The following RERE variants were observed in gnomAD, a reference collection of about 807,000 sequenced individuals.
The protein encoded by RERE is arginine-glutamic acid dipeptide repeats, also known as arginine-glutamic acid dipeptide repeats protein.
Under a neutral mutation model 146.1 loss-of-function variants are expected in RERE, and 40 were observed. That is an observed-to-expected ratio of 0.27 (90% CI 0.21 to 0.36). The LOEUF is 0.36. RERE is among the 10% of genes least tolerant of loss of function. RERE has a pLI of 1.00. For synonymous variants in RERE, 1,003 were observed against 866.0 expected, an observed-to-expected ratio of 1.16 and a Z score of -2.78; for missense variants, 1,933 against 2,138.7, an observed-to-expected ratio of 0.90 and a Z score of 1.90.
intron 1 of RERE, among the ~76,000 whole-genome samples, chr1:8,679,094 G>C (rs548850692): frequency 3.3e-5 from 5 of 152,340 alleles, no homozygotes; most frequent in African/African-American, 1.2e-4. Flanking sequence ...CATTGCCACT[G>C]AAAGTTCTAT....
At position 8,506,228 on chromosome 1, in the gene RERE, T is replaced by C. The variant is rs116575221; in HGVS notation, c.879+2399A>G. ...GAGTATCAGGTTCCCAGACCGAAAA[T>C]ACAGCCCCGAGGTGGCAGTCAGGCC... is the stretch of plus-strand genomic sequence containing the variant. On this transcript the variant is annotated intron_variant, in intron 8 of 22. Coordinates refer to ENST00000400908, the MANE Select transcript of RERE (RefSeq NM_001042681.2). Among the ~76,000 whole-genome samples, 920 of 152,218 alleles carry C rather than the reference T, an allele frequency of 6.0e-3. 7 individuals carry two copies. Among genetic ancestry groups the C allele is most frequent in the African/African-American group, 0.022 (893 of 41,510 alleles).
Position 8,729,255 on chromosome 1 carries a change from G to A in RERE, c.-144-72814C>T, listed in dbSNP as rs192685080. Reference sequence around the variant, plus strand: ...TTTTTTTTTATTGAGATGGAGTCTCGCTCTGTTGCCCAGGCTGGAGTGCAG... The same window carrying A: ...TTTTTTTTTATTGAGATGGAGTCTCACTCTGTTGCCCAGGCTGGAGTGCAG... On this transcript the variant is annotated intron_variant, in intron 1 of 22. Transcript: ENST00000400908. 7.8e-3 allele frequency among the ~76,000 whole-genome samples: 1,001 copies of A among 127,528 alleles called. 15 individuals are homozygous for A. Among genetic ancestry groups the A allele is most frequent in the African/African-American group, 0.028 (962 of 34,414 alleles). 83.7% of individuals were successfully genotyped at this position (127,528 alleles called of 152,430 possible). A position where few individuals can be genotyped will look rare whatever the true frequency, so the allele number is the denominator to read the frequency against.
At position 8,360,413 on chromosome 1, in the gene RERE, G is replaced by C; in HGVS notation, c.3094C>G (p.Pro1032Ala). The C allele has an allele frequency of 7.3e-7, 1 of 1,362,970 alleles. No homozygotes were observed. Among genetic ancestry groups the C allele is most frequent in the Non-Finnish European group, 9.5e-7 (1 of 1,056,158 alleles). The allele number at this position is 1,362,970 out of a possible 1,614,324, so 84.4% of individuals were successfully genotyped here. A position where few individuals can be genotyped will look rare whatever the true frequency, so the allele number is the denominator to read the frequency against. The change falls in exon 18 of 23, where the codon CCC becomes GCC. Residue 1032 changes from proline to alanine, a missense_variant. Physicochemically the swap from Pro to Ala is conservative, Grantham distance 27 (BLOSUM62 -1). Transcript: ENST00000400908. ...PTGLHQVAPQ[P>A]PFAQHPFVPG... ...ACAAAGGGGTGCTGAGCAAACGGGG[G>C]TTGGGGGGCCACCTGGTGGAGGCCT...
chr1:8,467,175 G>A (rs1644610907), intron 10 of RERE, among the ~76,000 whole-genome samples: 1 of 152,186 alleles, frequency 6.6e-6, no homozygotes, highest in African/African-American at 2.4e-5. Flanking sequence ...TGGAGTGGAC[G>A]TTCTGATCTT....
chr1:8,690,215 T>G (rs1390688700), intron 1 of RERE, among the ~76,000 whole-genome samples: 1 of 152,156 alleles, frequency 6.6e-6, no homozygotes, highest in African/African-American at 2.4e-5. Context: ...TCTTCCTAGC[T>G]TGCAAATGGC....
chr1:8,440,220 G>C (rs1287153188), intron 11 of RERE, among the ~76,000 whole-genome samples: 1 of 152,224 alleles, frequency 6.6e-6, no homozygotes, highest in East Asian at 1.9e-4. Context: ...GTATGTGGAA[G>C]GGGCCAGCAC....
chr1:8,401,615 C>T (rs1474550339), intron 12 of RERE, among the ~76,000 whole-genome samples: 2 of 151,890 alleles, frequency 1.3e-5, no homozygotes, highest in Non-Finnish European at 2.9e-5. Context: ...AAAATATTAG[C>T]CAGGCATGGC....
At chr1:8,810,414 T>C (rs1034391963) in intron 1 of RERE, among the ~76,000 whole-genome samples, 1 of 152,222 alleles carries the variant, frequency 6.6e-6, no homozygotes, top group Non-Finnish European at 1.5e-5. Flanking sequence ...AAGACCAGCC[T>C]GGGCAACATG....
At chr1:8,574,635 C>T (rs1646267684) in intron 4 of RERE, among the ~76,000 whole-genome samples, 1 of 152,166 alleles carries the variant, frequency 6.6e-6, no homozygotes, top group Admixed American at 6.5e-5. Context: ...CTTACAAAAA[C>T]ATGAATTTCA....
In RERE at chr1:8,358,496, A is replaced by C; in HGVS notation, c.4039T>G (p.Phe1347Val). The part of the protein sequence containing the change: ...LHPAANPMEH[F>V]ARHSALTIPP... ...ATGGTGAGGGCGCTGTGCCGGGCAAAGTGCTCCATGGGGTTGGCGGCTGGG... is the reference window on the plus strand; with the variant it reads ...ATGGTGAGGGCGCTGTGCCGGGCAACGTGCTCCATGGGGTTGGCGGCTGGG... The change falls in exon 20 of 23, where the codon TTT becomes GTT. Residue 1347 changes from phenylalanine (F) to valine (V), a missense_variant. Physicochemically the swap from Phe to Val is conservative, Grantham distance 50. This residue lies in a region of RERE where 1,255 missense variants were observed against 1,153.8 expected (regional missense o/e 1.09). Transcript: ENST00000400908. The C allele has an allele frequency of 1.3e-6, 2 of 1,588,150 alleles. No individual in the cohort carries two copies. The highest frequency in any genetic ancestry group is 1.7e-6 in the Non-Finnish European group (2 of 1,167,360).
chr1:8,600,361 G>T (rs1433979979), intron 4 of RERE, among the ~76,000 whole-genome samples: 1 of 152,166 alleles, frequency 6.6e-6, no homozygotes, highest in African/African-American at 2.4e-5. Flanking sequence ...ATTACCATTT[G>T]CCAGCTGTTT....
chr1:8,519,073 C>G (rs1198377580), intron 7 of RERE, among the ~76,000 whole-genome samples: 3 of 152,066 alleles, frequency 2.0e-5, no homozygotes, highest in Non-Finnish European at 4.4e-5. Flanking sequence ...TTAAATGAAC[C>G]TGAATTAAAA....
chr1:8,789,620 CT>C (rs1641328555), intron 1 of RERE, among the ~76,000 whole-genome samples: 1 of 152,080 alleles, frequency 6.6e-6, no homozygotes, highest in Non-Finnish European at 1.5e-5. Flanking sequence ...CCCCAATTCC[CT>C]TCAGGTGCCA....
chr1:8,607,530 A>ATATTTTTTTTTTTTTTTTTTTT (rs1646732034), intron 4 of RERE, among the ~76,000 whole-genome samples: 1 of 57,582 alleles, frequency 1.7e-5, no homozygotes, highest in African/African-American at 6.8e-5. Context: ...TTTTATATAT[A>ATATTTTTTTTTTTTTTTTTTTT]TTTCTTTTTT....
chr1:8,716,311 A>T (rs568576386), intron 1 of RERE, among the ~76,000 whole-genome samples: 1 of 150,016 alleles, frequency 6.7e-6, no homozygotes, highest in African/African-American at 2.4e-5. Flanking sequence ...AAAAAAAAAA[A>T]AAAAAAATTA....
chr1:8,640,244 G>A (rs1478799068), intron 2 of RERE, among the ~76,000 whole-genome samples: 1 of 151,862 alleles, frequency 6.6e-6, no homozygotes, highest in Non-Finnish European at 1.5e-5. Context: ...TAAAAGAGAG[G>A]TATAACTATA....
intron 1 of RERE, among the ~76,000 whole-genome samples, chr1:8,714,392 T>C (rs953043): frequency 0.22 from 33,855 of 152,116 alleles, 4,682 homozygotes; most frequent in Non-Finnish European, 0.31. Flanking sequence ...TTCCTGAAAA[T>C]TGGAAGACAA....
chr1:8,359,571 C>A (rs970936677), intron 19 of RERE, among the ~76,000 whole-genome samples, 193 bp downstream of exon 19: 1 of 152,204 alleles, frequency 6.6e-6, no homozygotes, highest in African/African-American at 2.4e-5. Flanking sequence ...ACCTGCCATG[C>A]GCAGTTACCC....
chr1:8,468,951 C>T (rs1238134326), intron 10 of RERE, among the ~76,000 whole-genome samples: 1 of 151,706 alleles, frequency 6.6e-6, no homozygotes, highest in African/African-American at 2.4e-5. Flanking sequence ...GTAGGAAAAA[C>T]TATGGACTTT....
Sources: allele counts gnomAD v4.1 joint callset (sites outside exome capture counted in the v4.1 genomes callset), GRCh38; gene constraint gnomAD v4.1.1; regional missense constraint gnomAD v4.1.1; transcripts MANE v1.5; gene names NCBI Gene and HGNC (gene_info 2026-07-23, HGNC 2026-07-21).